HS6ST3: variants seen among roughly 807,000 people sequenced by gnomAD.
HS6ST3 encodes heparan-sulfate 6-O-sulfotransferase 3.
In HS6ST3, 12 loss-of-function variants were observed where a neutral mutation model predicts 36.7. The observed-to-expected ratio is 0.33, with a 90% CI of 0.21 to 0.53. The LOEUF is 0.53. Among genes scored for constraint, HS6ST3 ranks in the 20% least tolerant of loss-of-function variants. HS6ST3 has a pLI of 0.95. For synonymous variants in HS6ST3, 240 were observed against 257.5 expected (o/e 0.93, Z 0.65); for missense variants, 584 against 640.9 (o/e 0.91, Z 0.96).
chr13:96,191,007 A>T (rs2054286051), intron 1 of HS6ST3, among the ~76,000 whole-genome samples: 3 of 152,148 alleles, frequency 2.0e-5, no homozygotes, highest in Admixed American at 2.0e-4. Flanking sequence ...GTGTGATGAG[A>T]AGCTGTTCGT....
chr13:96,383,981 G>A (rs1308444985), intron 1 of HS6ST3, among the ~76,000 whole-genome samples: 1 of 152,148 alleles, frequency 6.6e-6, no homozygotes, highest in Non-Finnish European at 1.5e-5. Flanking sequence ...GGCAGATGGC[G>A]GCTCACAACA....
rs144258880 is a variant in HS6ST3 at position 96,259,833 on chromosome 13, C to T, written c.707+168264C>T. Among the ~76,000 whole-genome samples, 400 of 152,242 alleles carry T rather than the reference C, an allele frequency of 2.6e-3. 3 individuals are homozygous for T. The highest frequency in any genetic ancestry group is 9.2e-3 in the African/African-American group (382 of 41,550). On this transcript the variant is annotated intron_variant, in intron 1 of 1. Coordinates refer to ENST00000376705, the MANE Select transcript of HS6ST3 (RefSeq NM_153456.4). The stretch of plus-strand genomic sequence containing the variant: ...ATCTCTGTCAGAGAAAGAGTAGTCA[C>T]AGATAAAGAGGAGAGGTGAAATTTT...
At chr13:96,509,110 T>C (rs1183669447) in intron 1 of HS6ST3, among the ~76,000 whole-genome samples, 4 of 152,162 alleles carry the variant, frequency 2.6e-5, no homozygotes, top group African/African-American at 4.8e-5. Flanking sequence ...ATCAGTGATG[T>C]TGAAAGTTTT....
intron 1 of HS6ST3, among the ~76,000 whole-genome samples, chr13:96,111,322 C>T (rs566345928): frequency 1.3e-5 from 2 of 152,322 alleles, no homozygotes; most frequent in South Asian, 4.1e-4. Context: ...TAACTGCCTA[C>T]TTCCAAAGAC....
At chr13:96,567,729 A>C (rs1348313404) in intron 1 of HS6ST3, among the ~76,000 whole-genome samples, 1 of 152,238 alleles carries the variant, frequency 6.6e-6, no homozygotes, top group Non-Finnish European at 1.5e-5. Context: ...TCGTGAATAC[A>C]CACATAATAT....
chr13:96,596,172 T>C (rs540699581), intron 1 of HS6ST3, among the ~76,000 whole-genome samples: 1 of 152,300 alleles, frequency 6.6e-6, no homozygotes, highest in African/African-American at 2.4e-5. Context: ...GGCTTAGCTC[T>C]CATTTATACA....
At chr13:96,375,253 C>A (rs1371169181) in intron 1 of HS6ST3, among the ~76,000 whole-genome samples, 1 of 151,862 alleles carries the variant, frequency 6.6e-6, no homozygotes, top group Admixed American at 6.6e-5. Flanking sequence ...TTCACCTGTT[C>A]CCCTCCAACT....
chr13:96,090,712 C>A lies in HS6ST3; in HGVS notation c.-151C>A, dbSNP rs1031643187. ...CCTCAAGCCCCGAGGGCCGCGGGGC[C>A]GCCAGCCAGCCACACGCCTCGGCGT... On this transcript the variant is annotated 5_prime_UTR_variant, in exon 1 of 2. Transcript: ENST00000376705. 7.3e-6 allele frequency: 3 copies of A among 412,668 alleles called. No individual in the cohort carries two copies. The highest frequency in any genetic ancestry group is 9.3e-5 in the South Asian group (1 of 10,786). The allele number at this position is 412,668 out of a possible 1,614,324, so 25.6% of individuals were successfully genotyped here.
intron 1 of HS6ST3, among the ~76,000 whole-genome samples, chr13:96,608,968 T>TATTC (rs1460968399): frequency 6.6e-6 from 1 of 151,938 alleles, no homozygotes. Flanking sequence ...TTTATTTATT[T>TATTC]ATATTTATTT....
chr13:96,777,356 C>A (rs557774672), intron 1 of HS6ST3, among the ~76,000 whole-genome samples: 2 of 151,538 alleles, frequency 1.3e-5, no homozygotes, highest in Non-Finnish European at 3.0e-5. Flanking sequence ...AGAAATAAAG[C>A]GTATTCAAAT....
chr13:96,494,966 G>T (rs570276991), intron 1 of HS6ST3, among the ~76,000 whole-genome samples: 15 of 152,150 alleles, frequency 9.9e-5, no homozygotes, highest in Non-Finnish European at 2.1e-4. Context: ...CTGGCTTCGT[G>T]TGCCTAATTA....
rs530895327 is a variant in HS6ST3 at position 96,237,043 on chromosome 13, G to A, written c.707+145474G>A. On this transcript the variant is annotated intron_variant, in intron 1 of 1. Coordinates refer to ENST00000376705, the MANE Select transcript of HS6ST3 (RefSeq NM_153456.4). ...GAGAGATTGAGAACTGAGCCAAGGG[G>A]GAAGCCCCTTATAAAACCATCAGAT... Among the ~76,000 whole-genome samples the A allele has an allele frequency of 1.4e-3, 212 of 152,278 alleles. 1 individual carries two copies. The highest frequency in any genetic ancestry group is 2.5e-3 in the Non-Finnish European group (173 of 68,016).
chr13:96,661,382 C>T (rs921508922), intron 1 of HS6ST3, among the ~76,000 whole-genome samples: 4 of 151,844 alleles, frequency 2.6e-5, no homozygotes, highest in Non-Finnish European at 4.4e-5. Flanking sequence ...CCTTTATTGT[C>T]TTTTTTTTAA....
intron 1 of HS6ST3, among the ~76,000 whole-genome samples, chr13:96,193,140 C>A (rs1378808872): frequency 6.6e-6 from 1 of 152,150 alleles, no homozygotes; most frequent in East Asian, 1.9e-4. Flanking sequence ...TGAGAGAAAT[C>A]AAGGTTGCTG....
At chr13:96,420,697 G>A (rs2055558330) in intron 1 of HS6ST3, among the ~76,000 whole-genome samples, 1 of 152,158 alleles carries the variant, frequency 6.6e-6, no homozygotes, top group Non-Finnish European at 1.5e-5. Context: ...ATGATGAGCA[G>A]TTCCTCAACC....
chr13:96,724,638 G>GT (rs1018516251), intron 1 of HS6ST3, among the ~76,000 whole-genome samples: 8 of 151,576 alleles, frequency 5.3e-5, no homozygotes, highest in South Asian at 2.1e-4. Flanking sequence ...ACTCTTGAGG[G>GT]TTTTTTTTGC....
At chr13:96,116,756 A>G (rs979444560) in intron 1 of HS6ST3, among the ~76,000 whole-genome samples, 3 of 152,294 alleles carry the variant, frequency 2.0e-5, no homozygotes, top group African/African-American at 7.2e-5. Flanking sequence ...ATTGTTGATG[A>G]GAGAGGAGGA....
chr13:96,569,000 C>G (rs566213205), intron 1 of HS6ST3, among the ~76,000 whole-genome samples: 2 of 152,250 alleles, frequency 1.3e-5, no homozygotes, highest in East Asian at 3.9e-4. Flanking sequence ...CTAACCATAT[C>G]TGAGATTCAG....
intron 1 of HS6ST3, among the ~76,000 whole-genome samples, chr13:96,423,901 C>T (rs1290952440): frequency 6.6e-6 from 1 of 152,166 alleles, no homozygotes; most frequent in Non-Finnish European, 1.5e-5. Flanking sequence ...GGGTTTCCAA[C>T]TTGTTTCATT....
Sources: allele counts gnomAD v4.1 joint callset (sites outside exome capture counted in the v4.1 genomes callset), GRCh38; gene constraint gnomAD v4.1.1; transcripts MANE v1.5; gene names NCBI Gene and HGNC (gene_info 2026-07-23, HGNC 2026-07-21).